The following TGFBRAP1 variants were observed in gnomAD, a reference collection of about 807,000 sequenced individuals.
TGFBRAP1 encodes the protein transforming growth factor beta receptor associated protein 1, also known as transforming growth factor-beta receptor-associated protein 1.
TGFBRAP1 carries 20 observed loss-of-function variants against 83.2 expected under a neutral mutation model. That is an observed-to-expected ratio of 0.24 (90% CI 0.17 to 0.35). TGFBRAP1 has a LOEUF of 0.35. Ranked by LOEUF, TGFBRAP1 falls within the 10% of genes least tolerant of loss-of-function variation. TGFBRAP1 has a pLI of 1.00. For missense variants in TGFBRAP1, 950 were observed against 1,099.4 expected, an observed-to-expected ratio of 0.86 and a Z score of 1.92; for synonymous variants, 415 against 459.8, an observed-to-expected ratio of 0.90 and a Z score of 1.25.
intron 8 of TGFBRAP1, 66 bp from the exon 9 acceptor site, chr2:105,273,756 G>C: frequency 1.3e-6 from 2 of 1,564,882 alleles, no homozygotes; most frequent in Non-Finnish European, 1.7e-6. Flanking sequence ...ACTTTATTTT[G>C]GTCATTGCAC....
chr2:105,253,577 G>A, the TGFBRAP1 span, among the ~76,000 whole-genome samples: 12 of 152,076 alleles, frequency 7.9e-5, no homozygotes, highest in East Asian at 3.9e-4. Context: ...GACTACAGGC[G>A]TGTGCCACCA....
intron 1 of TGFBRAP1, among the ~76,000 whole-genome samples, chr2:105,314,637 A>C (rs879583980): frequency 3.3e-5 from 5 of 152,022 alleles, no homozygotes; most frequent in Non-Finnish European, 5.9e-5. Context: ...AGTACCATAA[A>C]ACAAGAATAG....
intron 4 of TGFBRAP1, among the ~76,000 whole-genome samples, chr2:105,293,311 C>T (rs1677977162): frequency 6.6e-6 from 1 of 152,218 alleles, no homozygotes; most frequent in Non-Finnish European, 1.5e-5. Context: ...TTTACTGTCT[C>T]TTATTTTAAA....
At chr2:105,284,939 T>C (rs1183529107) in intron 4 of TGFBRAP1, among the ~76,000 whole-genome samples, 1 of 152,214 alleles carries the variant, frequency 6.6e-6, no homozygotes, top group African/African-American at 2.4e-5. Flanking sequence ...GGCCAGTTTA[T>C]CTTGTTTACT....
chr2:105,314,936 C>T (rs1410080002), intron 1 of TGFBRAP1, among the ~76,000 whole-genome samples: 15 of 131,186 alleles, frequency 1.1e-4, no homozygotes, highest in African/African-American at 2.0e-4. Context: ...GGCAACAGAG[C>T]GAGACTCTGT....
chr2:105,269,207 A>T lies in TGFBRAP1; in HGVS notation c.2406+65T>A. On this transcript the variant is annotated intron_variant, in intron 11 of 11. Coordinates refer to ENST00000393359, the MANE Select transcript of TGFBRAP1 (RefSeq NM_004257.6). This position sits in a 1 kb window ranked among gnomAD's most constrained non-coding sequence, Gnocchi z 4.1. ...AACCAACAAAGACTATTTTTCCATC[A>T]GTAAAATCTACCTTCAGTACAATGT... The T allele has an allele frequency of 6.8e-7, 1 of 1,469,382 alleles. No individual in the cohort carries two copies. The highest frequency in any genetic ancestry group is 9.1e-7 in the Non-Finnish European group (1 of 1,104,624). The allele number at this position is 1,469,382 out of a possible 1,614,324, so 91.0% of individuals were successfully genotyped here.
Position 105,298,630 on chromosome 2 carries a change from A to G in TGFBRAP1, c.764T>C (p.Val255Ala). The change falls in exon 3 of 12, where the codon GTG becomes GCG. Residue 255 changes from valine to alanine, a missense_variant. Transcript: ENST00000393359. ...HWSENVIGAA[V>A]SFPYVIALDD... Reference sequence around the variant, plus strand: ...GAGCGCTATGACGTATGGAAAGGACACAGCCGCCCCAATCACATTCTCCGA... The same window carrying G: ...GAGCGCTATGACGTATGGAAAGGACGCAGCCGCCCCAATCACATTCTCCGA... 1 of 1,614,068 alleles carries G rather than the reference A, an allele frequency of 6.2e-7. No homozygotes were observed. Among genetic ancestry groups the G allele is most frequent in the Non-Finnish European group, 8.5e-7 (1 of 1,179,970 alleles).
At chr2:105,320,859 A>G (rs1679035861) in intron 1 of TGFBRAP1, among the ~76,000 whole-genome samples, 2 of 152,220 alleles carry the variant, frequency 1.3e-5, no homozygotes, top group Non-Finnish European at 2.9e-5. Context: ...AAGGATTAAC[A>G]CTATGAGTCA....
intron 1 of TGFBRAP1, among the ~76,000 whole-genome samples, chr2:105,315,658 C>T (rs547553079): frequency 6.6e-6 from 1 of 152,302 alleles, no homozygotes; most frequent in South Asian, 2.1e-4. Context: ...TGAGCTATCA[C>T]TTCACACCTA....
Position 105,307,833 on chromosome 2 carries a change from G to C in TGFBRAP1, c.469C>G (p.Arg157Gly), listed in dbSNP as rs201479054. 74 of 1,614,180 alleles carry C rather than the reference G, an allele frequency of 4.6e-5. 1 individual carries two copies. The Admixed American group carries it at 1.2e-3, about 26-fold the overall frequency. Residue 157 changes from arginine to glycine, a missense_variant, in exon 2 of 12, where the codon CGG (arginine) becomes GGG (glycine). Arg to Gly is a moderately radical substitution (Grantham distance 125). Transcript: ENST00000393359. ...TIQMFLVYED[R>G]VQIVKEVSTA... ...GACACCTCCTTGACGATCTGCACCC[G>C]GTCCTCGTACACCAGAAACATCTGG...
intron 1 of TGFBRAP1, among the ~76,000 whole-genome samples, chr2:105,321,511 G>C (rs1280255690): frequency 1.1e-4 from 17 of 151,888 alleles, no homozygotes; most frequent in Admixed American, 1.1e-3. Flanking sequence ...TTTTAATATA[G>C]AACTTTTATA....
At chr2:105,323,326 C>A (rs1367834166) in intron 1 of TGFBRAP1, among the ~76,000 whole-genome samples, 1 of 152,118 alleles carries the variant, frequency 6.6e-6, no homozygotes, top group Non-Finnish European at 1.5e-5. Flanking sequence ...ACAGAAACAG[C>A]GTGGGCAGCT....
chr2:105,252,626 C>T, the TGFBRAP1 span, among the ~76,000 whole-genome samples: 9 of 152,216 alleles, frequency 5.9e-5, no homozygotes, highest in Admixed American at 5.9e-4. Flanking sequence ...TGTTATACTT[C>T]ATGGGAGCCT....
chr2:105,302,009 T>TA (rs35548542), intron 2 of TGFBRAP1, among the ~76,000 whole-genome samples: 9,319 of 74,992 alleles, frequency 0.12, 577 homozygotes, highest in Non-Finnish European at 0.17. Context: ...TAAAGAATAC[T>TA]AAAAAAAAAA....
chr2:105,276,161 G>A (rs1040384911), intron 7 of TGFBRAP1, among the ~76,000 whole-genome samples: 3 of 152,134 alleles, frequency 2.0e-5, no homozygotes, highest in Admixed American at 2.0e-4. Context: ...CAGATGTTGT[G>A]CTTTTACAAA....
chr2:105,290,699 A>G (rs1234488342), intron 4 of TGFBRAP1, among the ~76,000 whole-genome samples: 1 of 151,248 alleles, frequency 6.6e-6, no homozygotes, highest in Non-Finnish European at 1.5e-5. Context: ...TTTCAAATAA[A>G]TTATTTTAAA....
At chr2:105,294,000 A>G (rs983143163) in intron 4 of TGFBRAP1, among the ~76,000 whole-genome samples, 1 of 152,170 alleles carries the variant, frequency 6.6e-6, no homozygotes, top group Non-Finnish European at 1.5e-5. Context: ...CGAGGTATCA[A>G]AACTATTTTT....
At chr2:105,262,574 C>T (rs900936976), downstream of TGFBRAP1, among the ~76,000 whole-genome samples, 6 of 152,188 alleles carry the variant, frequency 3.9e-5, no homozygotes, top group East Asian at 1.9e-4. Flanking sequence ...AATGGACTGA[C>T]GCAGGCACGG....
At chr2:105,249,425 A>G in the TGFBRAP1 span, 1 of 152,196 alleles carries the variant, frequency 6.6e-6, no homozygotes, top group Non-Finnish European at 1.5e-5. Flanking sequence ...GCCTTTGTTT[A>G]TTGTAAAGTA....
Sources: allele counts gnomAD v4.1 joint callset (sites outside exome capture counted in the v4.1 genomes callset), GRCh38; gene constraint gnomAD v4.1.1; non-coding constraint Gnocchi (gnomAD v3.1); transcripts MANE v1.5; gene names NCBI Gene and HGNC (gene_info 2026-07-23, HGNC 2026-07-21).